The following NEMP1 variants were observed in gnomAD, a reference collection of about 807,000 sequenced individuals.
NEMP1 encodes transmembrane protein 194.
In NEMP1, 29 loss-of-function variants were observed where a neutral mutation model predicts 53.7. That is an observed-to-expected ratio of 0.54 (90% CI 0.40 to 0.74). The LOEUF (loss-of-function observed/expected upper bound fraction) is 0.74. Among genes scored for constraint, NEMP1 ranks in the 30% least tolerant of loss-of-function variants. The pLI is 0.00. For missense variants in NEMP1, 477 were observed against 528.6 expected, an observed-to-expected ratio of 0.90 and a Z score of 0.96; for synonymous variants, 193 against 192.9, an observed-to-expected ratio of 1.00 and a Z score of 0.00.
intron 4 of NEMP1, among the ~76,000 whole-genome samples, chr12:57,068,192 AC>A (rs2032185247): frequency 6.6e-6 from 1 of 152,158 alleles, no homozygotes; most frequent in African/African-American, 2.4e-5. Context: ...TCTTGCATTC[AC>A]TACTCCACAA....
upstream of NEMP1, among the ~76,000 whole-genome samples, chr12:57,080,377 G>A (rs1186415661): frequency 6.6e-6 from 1 of 151,844 alleles, no homozygotes; most frequent in Non-Finnish European, 1.5e-5. Flanking sequence ...TCAGGAGTTC[G>A]AGACCAGCCT....
chr12:57,065,581 G>A (rs544388278), intron 4 of NEMP1, among the ~76,000 whole-genome samples: 1 of 150,884 alleles, frequency 6.6e-6, no homozygotes, highest in African/African-American at 2.4e-5. Flanking sequence ...GGGTGCGATG[G>A]CGTCATCATG....
At position 57,072,814 on chromosome 12, in the gene NEMP1, A is replaced by G; in HGVS notation, c.226T>C (p.Trp76Arg). 1 of 1,612,398 alleles carries G rather than the reference A, an allele frequency of 6.2e-7. No homozygotes were observed. Among genetic ancestry groups the G allele is most frequent in the East Asian group, 2.2e-5 (1 of 44,824 alleles). The change falls in exon 2 of 9, where the codon TGG becomes CGG. Residue 76 changes from tryptophan (W) to arginine (R), a missense_variant. Trp to Arg is a moderately radical substitution (Grantham distance 101, BLOSUM62 -3). Coordinates refer to ENST00000300128, the MANE Select transcript of NEMP1 (RefSeq NM_001130963.2). ...FCYTNVLIPK[W>R]HDIWTRIQIR... ...TGTATCCGTGTCCATATATCATGCC[A>G]TTTTGGGATAAGCACATTTGTGTAA...
Position 57,078,540 on chromosome 12 carries a change from C to A in NEMP1, c.127+79G>T, listed in dbSNP as rs2032736942. 5.3e-6 allele frequency: 8 copies of A among 1,518,874 alleles called. No individual in the cohort carries two copies. The East Asian group carries it at 9.5e-5, about 18-fold the overall frequency. 94.1% of individuals were successfully genotyped at this position (1,518,874 alleles called of 1,614,324 possible). A position where few individuals can be genotyped will look rare whatever the true frequency, so the allele number is the denominator to read the frequency against. The stretch of plus-strand genomic sequence containing the variant: ...ACCGCCCTTCTGCAGAGTAACGGCC[C>A]GCGCCCTCGGGACAATCCCTTTTCC... On this transcript the variant is annotated intron_variant, in intron 1 of 8. Coordinates refer to ENST00000300128, the MANE Select transcript of NEMP1 (RefSeq NM_001130963.2).
chr12:57,070,966 A>T (rs1435721012), intron 2 of NEMP1, 73 bp from the exon 3 acceptor site: 8 of 1,299,878 alleles, frequency 6.2e-6, no homozygotes, highest in East Asian at 2.4e-5. Context: ...ACAATTTTTT[A>T]AAAAACCCTC....
At chr12:57,067,205 T>G (rs971418601) in intron 4 of NEMP1, among the ~76,000 whole-genome samples, 1 of 151,772 alleles carries the variant, frequency 6.6e-6, no homozygotes, top group Non-Finnish European at 1.5e-5. Flanking sequence ...GTGCCTGTAG[T>G]CCCAGCTACT....
intron 3 of NEMP1, among the ~76,000 whole-genome samples, 190 bp from the exon 4 acceptor site, chr12:57,069,496 T>C (rs191188077): frequency 6.6e-6 from 1 of 152,306 alleles, no homozygotes; most frequent in African/African-American, 2.4e-5. Context: ...CTGTCTAACC[T>C]GTATTTGCCT....
rs766719166 is a variant in NEMP1, at chr12:57,064,704, A to G, written c.581T>C (p.Val194Ala). 6.2e-7 allele frequency: 1 copy of G among 1,613,096 alleles called. No homozygotes were observed. The highest frequency in any genetic ancestry group is 1.3e-5 in the African/African-American group (1 of 74,904). Residue 194 changes from valine to alanine, a missense_variant, in exon 5 of 9, where the codon GTG becomes GCG. Val to Ala is a moderately conservative substitution (Grantham distance 64). Transcript: ENST00000300128. Reference protein sequence around the residue: ...QIFYYSTGMTVGIVASLLIII... With the variant: ...QIFYYSTGMTAGIVASLLIII... Reference sequence around the variant, plus strand: ...GATTAGCAGAGAGGCCACAATTCCCACAGTCATCCCAGTAGAGTAGTAGAA... The same window carrying G: ...GATTAGCAGAGAGGCCACAATTCCCGCAGTCATCCCAGTAGAGTAGTAGAA...
intron 5 of NEMP1, 90 bp downstream of exon 5, chr12:57,064,556 C>T: frequency 2.1e-6 from 2 of 948,398 alleles, no homozygotes; most frequent in South Asian, 1.6e-5. Context: ...GCCATCAATA[C>T]ACATTTTCAG....
chr12:57,078,302 A>G (rs1467348497), intron 1 of NEMP1, among the ~76,000 whole-genome samples: 1 of 151,958 alleles, frequency 6.6e-6, no homozygotes, highest in East Asian at 1.9e-4. Flanking sequence ...GCTTTTAACC[A>G]AGAAACTCAA....
At chr12:57,060,685 T>G in intron 8 of NEMP1, 87 bp downstream of exon 8, 5 of 1,384,318 alleles carry the variant, frequency 3.6e-6, no homozygotes, top group Non-Finnish European at 4.9e-6. Context: ...AGGTCACAAG[T>G]GCACGATTCT....
chr12:57,075,390 TATAAATAAATAAATAAATAA>T (rs36162399), intron 1 of NEMP1, among the ~76,000 whole-genome samples: 6 of 135,860 alleles, frequency 4.4e-5, no homozygotes, highest in Non-Finnish European at 6.2e-5. Flanking sequence ...TCCATTTCAA[TATAAATAAATAAATAAATAA>T]ATAAATAAAT....
chr12:57,075,390 T>TATAA (rs36162399), intron 1 of NEMP1, among the ~76,000 whole-genome samples: 14,471 of 135,774 alleles, frequency 0.11, 910 homozygotes, highest in Admixed American at 0.19. Flanking sequence ...TCCATTTCAA[T>TATAA]ATAAATAAAT....
At chr12:57,077,275 T>C (rs1162939270) in intron 1 of NEMP1, among the ~76,000 whole-genome samples, 3 of 138,016 alleles carry the variant, frequency 2.2e-5, no homozygotes, top group Non-Finnish European at 3.1e-5. Context: ...GAGCTTGCAG[T>C]GAGCCGAGAT....
Position 57,073,041 on chromosome 12 carries a change from G to GA in NEMP1, c.128-130dup, listed in dbSNP as rs1298000784. 49 of 700,166 alleles carry GA rather than the reference G, an allele frequency of 7.0e-5. No individual in the cohort carries two copies. In the Middle Eastern group the frequency reaches 1.0e-3, roughly 15 times the overall value. The allele number at this position is 700,166 out of a possible 1,614,324, so 43.4% of individuals were successfully genotyped here. A position where few individuals can be genotyped will look rare whatever the true frequency, so the allele number is the denominator to read the frequency against. Reference sequence around the variant, plus strand: ...AAACATTAGCCAGACTGAGAAATAAGAAAAAAAACTGAGAAGAAGGAAGAA... The same window carrying GA: ...AAACATTAGCCAGACTGAGAAATAAGAAAAAAAAACTGAGAAGAAGGAAGAA... On this transcript the variant is annotated intron_variant, in intron 1 of 8. Coordinates refer to ENST00000300128, the MANE Select transcript of NEMP1 (RefSeq NM_001130963.2).
chr12:57,071,688 T>A (rs1377129606), intron 2 of NEMP1, among the ~76,000 whole-genome samples: 7 of 151,892 alleles, frequency 4.6e-5, no homozygotes, highest in Admixed American at 4.6e-4. Flanking sequence ...TTGTCAGACA[T>A]TTTTTTTAAA....
Sources: gnomAD v4.1 joint callset for allele counts (sites outside exome capture counted in the v4.1 genomes callset) on GRCh38, gnomAD v4.1.1 for gene constraint, MANE v1.5 for transcripts, NCBI Gene and HGNC (gene_info 2026-07-23, HGNC 2026-07-21) for gene names.